Variants in PLIN1 observed in about 807,000 individuals in gnomAD.
PLIN1 encodes perilipin 1.
Under a neutral mutation model 45.8 loss-of-function variants are expected in PLIN1, and 37 were observed. The observed-to-expected ratio is 0.81, with a 90% confidence interval of 0.62 to 1.06. The LOEUF (loss-of-function observed/expected upper bound fraction) is 1.06. Ranked by LOEUF, PLIN1 falls within the 50% of genes least tolerant of loss-of-function variation. The pLI, the probability that PLIN1 is intolerant of heterozygous loss-of-function variation, is 0.00. For missense variants in PLIN1, 776 were observed against 716.5 expected, an observed-to-expected ratio of 1.08 and a Z score of -0.95; for synonymous variants, 340 against 309.2, an observed-to-expected ratio of 1.10 and a Z score of -1.05.
At chr15:89,671,794 C>A (rs1964445559) in intron 3 of PLIN1, among the ~76,000 whole-genome samples, 1 of 152,156 alleles carries the variant, frequency 6.6e-6, no homozygotes, top group African/African-American at 2.4e-5. Flanking sequence ...TCGCTCAGAC[C>A]TGCACTCAAA....
chr15:89,677,559 G>T lies in PLIN1; in HGVS notation c.-14-56C>A, dbSNP rs533937224. ...AGCCCTCAGGCTTGAGCTCCACTGGGTCACTTCCCTACCTCTCATGGCCAC... is the reference window on the plus strand; with the variant it reads ...AGCCCTCAGGCTTGAGCTCCACTGGTTCACTTCCCTACCTCTCATGGCCAC... On this transcript the variant is annotated intron_variant, in intron 1 of 8. Transcript: ENST00000300055. The T allele has an allele frequency of 5.5e-6, 8 of 1,444,450 alleles. No homozygotes were observed. In the African/African-American group the frequency reaches 9.8e-5, roughly 18 times the overall value. 89.5% of individuals were successfully genotyped at this position (1,444,450 alleles called of 1,614,324 possible).
intron 4 of PLIN1, 80 bp from the exon 5 acceptor site, chr15:89,670,324 G>A: frequency 6.8e-7 from 1 of 1,465,610 alleles, no homozygotes; most frequent in Non-Finnish European, 9.3e-7. Context: ...CTGGTGGCCT[G>A]AGCCCAGCTC....
intron 2 of PLIN1, among the ~76,000 whole-genome samples, chr15:89,676,242 T>G (rs895895112): frequency 1.3e-5 from 2 of 151,842 alleles, no homozygotes; most frequent in African/African-American, 4.9e-5. Flanking sequence ...TTAGTTTTTT[T>G]TTGTTGTTTG....
chr15:89,673,067 A>G, intron 3 of PLIN1, 143 bp downstream of exon 3: 1 of 699,128 alleles, frequency 1.4e-6, no homozygotes, highest in Non-Finnish European at 2.6e-6. Context: ...GCCATAGATA[A>G]GAAGACCATG....
At chr15:89,675,108 C>T (rs947425567) in intron 2 of PLIN1, among the ~76,000 whole-genome samples, 5 of 151,882 alleles carry the variant, frequency 3.3e-5, no homozygotes, top group African/African-American at 4.8e-5. Flanking sequence ...AGAATGACAC[C>T]CTGTCTCAAA....
intron 3 of PLIN1, among the ~76,000 whole-genome samples, chr15:89,671,963 C>T (rs751014687): frequency 2.0e-5 from 3 of 152,334 alleles, no homozygotes; most frequent in East Asian, 1.9e-4. Flanking sequence ...CAACAAGTAC[C>T]GTTCTTTCCC....
rs1176647127 is a variant in PLIN1 at position 89,671,492 on chromosome 15, G to T, written c.323C>A (p.Pro108His). The T allele has an allele frequency of 6.4e-7, 1 of 1,570,224 alleles. No homozygotes were observed. Among genetic ancestry groups the T allele is most frequent in the Non-Finnish European group, 8.6e-7 (1 of 1,156,634 alleles). ...GTGGGAAGGGCTCACCTTTTCAGGG[G>T]GGTACTGGAGGGCGGGGATCTTTTC... Reference protein sequence around the residue: ...LEEKIPALQYPPEKIASELKD... With the variant: ...LEEKIPALQYHPEKIASELKD... Residue 108 changes from proline (P) to histidine (H), a missense_variant, in exon 4 of 9, where the codon CCC becomes CAC. By Grantham distance (77) the Pro-to-His change is moderately conservative. Coordinates refer to ENST00000300055, the MANE Select transcript of PLIN1 (RefSeq NM_002666.5).
At chr15:89,677,042 G>A (rs1019658650) in intron 2 of PLIN1, 8 of 274,560 alleles carry the variant, frequency 2.9e-5, no homozygotes, top group African/African-American at 6.5e-5. Flanking sequence ...GTCTAACTCC[G>A]ACAGGTGACA....
At chr15:89,675,196 C>T (rs768442089) in intron 2 of PLIN1, among the ~76,000 whole-genome samples, 1 of 152,112 alleles carries the variant, frequency 6.6e-6, no homozygotes, top group African/African-American at 2.4e-5. Context: ...GTGGAACAAT[C>T]GTTTATCATT....
At chr15:89,674,932 T>C (rs1964492555) in intron 2 of PLIN1, among the ~76,000 whole-genome samples, 1 of 151,736 alleles carries the variant, frequency 6.6e-6, no homozygotes, top group African/African-American at 2.4e-5. Context: ...AGACCCCGTC[T>C]CTACAAAAAA....
rs1453618683 is a variant in PLIN1 at position 89,667,811 on chromosome 15, C to G, written c.772-18G>C. 6.5e-7 allele frequency: 1 copy of G among 1,548,806 alleles called. No homozygotes were observed. Among genetic ancestry groups the G allele is most frequent in the Non-Finnish European group, 8.7e-7 (1 of 1,147,776 alleles). On this transcript the variant is annotated intron_variant, in intron 6 of 8. Coordinates refer to ENST00000300055, the MANE Select transcript of PLIN1 (RefSeq NM_002666.5). ...AGGCTGCTCTGAGGGAGGATGGCAG[C>G]AGATAGCTGGCTCAACTGCCCCTGC...
Position 89,670,335 on chromosome 15 carries a change from C to G in PLIN1, c.334-91G>C, listed in dbSNP as rs1596041104. ...GGGTCTGGTGGCCTGAGCCCAGCTC[C>G]CAGGAAGGCATCACCTAAAGGCCCA... On this transcript the variant is annotated intron_variant, in intron 4 of 8. Coordinates refer to ENST00000300055, the MANE Select transcript of PLIN1 (RefSeq NM_002666.5). 32 of 1,362,868 alleles carry G rather than the reference C, an allele frequency of 2.3e-5. No individual in the cohort carries two copies. The South Asian group carries it at 3.1e-4, about 13-fold the overall frequency. The allele number at this position is 1,362,868 out of a possible 1,614,324, so 84.4% of individuals were successfully genotyped here. A position where few individuals can be genotyped will look rare whatever the true frequency, so the allele number is the denominator to read the frequency against.
chr15:89,669,743 T>C, intron 5 of PLIN1, 71 bp from the exon 6 acceptor site: 1 of 1,458,632 alleles, frequency 6.9e-7, no homozygotes, highest in East Asian at 2.3e-5. Context: ...GGGTCATGTC[T>C]AGGACTGGAA....
chr15:89,665,422 TAAAATA>T lies in PLIN1; in HGVS notation c.*155_*160del, dbSNP rs1964316197. ...AAGGATGCTAAAAAAAAAATAAAAA[TAAAATA>T]AAAATAAAAAGTGCGCCTTGGCAGC... On this transcript the variant is annotated 3_prime_UTR_variant, in exon 9 of 9. Coordinates refer to ENST00000300055, the MANE Select transcript of PLIN1 (RefSeq NM_002666.5). 3 of 501,010 alleles carry T rather than the reference TAAAATA, an allele frequency of 6.0e-6. No homozygotes were observed. Among genetic ancestry groups the T allele is most frequent in the Non-Finnish European group, 9.6e-6 (3 of 312,596 alleles). The allele number at this position is 501,010 out of a possible 1,614,324, so 31.0% of individuals were successfully genotyped here.
At chr15:89,678,689 G>C (rs1471008058) in intron 1 of PLIN1, among the ~76,000 whole-genome samples, 3 of 152,098 alleles carry the variant, frequency 2.0e-5, no homozygotes, top group Non-Finnish European at 4.4e-5. Context: ...TGACATGGGA[G>C]AATTGCTTGA....
rs766358042 is a variant in PLIN1 at position 89,667,684 on chromosome 15, TC to T, written c.880del (p.Asp294IlefsTer29). On this transcript the variant is annotated frameshift_variant, in exon 7 of 9. Coordinates refer to ENST00000300055, the MANE Select transcript of PLIN1 (RefSeq NM_002666.5). LOFTEE classifies it high-confidence loss of function. ...LHSLAAAQEEDHEDQTDTEGE... is the reference protein window; with the variant it reads ...LHSLAAAQEEXHEDQTDTEGE... ...CTCCGTGTCTGTCTGGTCCTCATGA[TC>T]CTCCTCCTGGGCGGCTGCGAGGCTG... 3.8e-5 allele frequency: 61 copies of T among 1,601,762 alleles called. No homozygotes were observed. In the Admixed American group the frequency reaches 8.7e-4, roughly 23 times the overall value.
At position 89,669,723 on chromosome 15, in the gene PLIN1, G is replaced by A. The variant is rs745567648; in HGVS notation, c.599-51C>T. 3.1e-5 allele frequency: 48 copies of A among 1,545,662 alleles called. No homozygotes were observed. In the Admixed American group the frequency reaches 4.5e-4, roughly 15 times the overall value. Reference sequence around the variant, plus strand: ...AGAGAAAACAGGTCAGAGAGGGGCCGGAGAGATCTGGGTCATGTCTAGGAC... The same window carrying A: ...AGAGAAAACAGGTCAGAGAGGGGCCAGAGAGATCTGGGTCATGTCTAGGAC... On this transcript the variant is annotated intron_variant, in intron 5 of 8. Coordinates refer to ENST00000300055, the MANE Select transcript of PLIN1 (RefSeq NM_002666.5).
intron 1 of PLIN1, chr15:89,677,950 G>T: frequency 6.1e-6 from 1 of 162,898 alleles, no homozygotes; most frequent in Admixed American, 5.8e-5. Context: ...GTAGAGATGG[G>T]GTTTCACCAT....
chr15:89,669,830 GGT>G, intron 5 of PLIN1, 148 bp downstream of exon 5: 6 of 885,758 alleles, frequency 6.8e-6, no homozygotes, highest in African/African-American at 6.7e-5. Flanking sequence ...ATGGGGTGGG[GGT>G]GGGGGGGGTA....
Sources: allele counts gnomAD v4.1 joint callset (sites outside exome capture counted in the v4.1 genomes callset), GRCh38; gene constraint gnomAD v4.1.1; transcripts MANE v1.5; gene names NCBI Gene and HGNC (gene_info 2026-07-23, HGNC 2026-07-21).